ERC2: variants seen among roughly 807,000 people sequenced by gnomAD.
The protein encoded by ERC2 is ERC protein 2.
In ERC2, 42 loss-of-function variants were observed where a neutral mutation model predicts 114.8. The observed-to-expected ratio is 0.37, with a 90% CI of 0.29 to 0.47. The LOEUF (loss-of-function observed/expected upper bound fraction) is 0.47. Ranked by LOEUF, ERC2 falls within the 20% of genes least tolerant of loss-of-function variation. ERC2 has a pLI of 0.99. For missense variants in ERC2, 939 were observed against 1,150.7 expected (o/e 0.82, Z 2.66); for synonymous variants, 454 against 425.5 (o/e 1.07, Z -0.82).
intron 3 of ERC2, among the ~76,000 whole-genome samples, chr3:56,224,016 C>T (rs1390988917): frequency 6.6e-6 from 1 of 152,132 alleles, no homozygotes; most frequent in African/African-American, 2.4e-5. Flanking sequence ...TGTGTATGTC[C>T]ACCATCTGTC....
rs563968062 is a variant in ERC2 at position 56,320,489 on chromosome 3, A to G, written c.658-24054T>C. On this transcript the variant is annotated intron_variant, in intron 2 of 17. Transcript: ENST00000288221. Reference sequence around the variant, plus strand: ...AAGAGCCAAATGTGAGGTTTACAGGAATTTTGCTAGTCTGTAGAAAACATG... The same window carrying G: ...AAGAGCCAAATGTGAGGTTTACAGGGATTTTGCTAGTCTGTAGAAAACATG... Among the ~76,000 whole-genome samples the G allele has an allele frequency of 1.1e-4, 17 of 152,328 alleles. No individual in the cohort carries two copies. In the South Asian group the frequency reaches 3.5e-3, roughly 32 times the overall value.
At chr3:56,275,795 C>A in intron 3 of ERC2, among the ~76,000 whole-genome samples, 1 of 152,192 alleles carries the variant, frequency 6.6e-6, no homozygotes, top group East Asian at 1.9e-4. Flanking sequence ...CCACAGGAGA[C>A]ACCTGGCAAT....
chr3:55,684,809 T>C (rs1169726307), intron 16 of ERC2, among the ~76,000 whole-genome samples: 1 of 152,198 alleles, frequency 6.6e-6, no homozygotes, highest in Non-Finnish European at 1.5e-5. Flanking sequence ...GATTGAAACA[T>C]ACCCTGGTGT....
chr3:56,392,912 G>A (rs957240072), intron 2 of ERC2, among the ~76,000 whole-genome samples: 2 of 152,010 alleles, frequency 1.3e-5, no homozygotes, highest in Admixed American at 6.6e-5. Context: ...ATACGGCCAC[G>A]ACCACCCTCC....
At chr3:56,366,688 T>C (rs147172712) in intron 2 of ERC2, among the ~76,000 whole-genome samples, 1 of 152,228 alleles carries the variant, frequency 6.6e-6, no homozygotes, top group African/African-American at 2.4e-5. Flanking sequence ...CTATTTTGCA[T>C]TGTGCTGTCT....
intron 7 of ERC2, among the ~76,000 whole-genome samples, chr3:56,047,142 A>G (rs1372629123): frequency 6.6e-6 from 1 of 152,180 alleles, no homozygotes. Flanking sequence ...GCTTTTGTCT[A>G]TGCATTTTTG....
intron 3 of ERC2, among the ~76,000 whole-genome samples, chr3:56,260,499 G>C (rs1001298271): frequency 6.6e-6 from 1 of 152,238 alleles, no homozygotes; most frequent in Non-Finnish European, 1.5e-5. Context: ...TTGGCTGCAA[G>C]CTCAAGCAGC....
intron 17 of ERC2, among the ~76,000 whole-genome samples, chr3:55,659,557 A>T (rs1034914842): frequency 6.6e-6 from 1 of 151,644 alleles, no homozygotes; most frequent in Non-Finnish European, 1.5e-5. Context: ...CCCTCCATCA[A>T]TTCTTGGCTC....
intron 14 of ERC2, among the ~76,000 whole-genome samples, chr3:55,886,438 T>C (rs541479942): frequency 6.6e-6 from 1 of 152,322 alleles, no homozygotes; most frequent in East Asian, 1.9e-4. Context: ...TTCCATATTG[T>C]TTTCTAGGAA....
chr3:56,337,663 G>T (rs1033464080), intron 2 of ERC2, among the ~76,000 whole-genome samples: 2 of 152,144 alleles, frequency 1.3e-5, no homozygotes, highest in African/African-American at 4.8e-5. Flanking sequence ...TGGCAAATTG[G>T]CCACCTTTTT....
At chr3:55,891,445 T>TC (rs1267135123) in intron 13 of ERC2, among the ~76,000 whole-genome samples, 1 of 94,652 alleles carries the variant, frequency 1.1e-5, no homozygotes, top group Non-Finnish European at 2.4e-5. Flanking sequence ...CTATTTTTTT[T>TC]TTTTTTTTTT....
At chr3:55,599,438 T>C (rs927087212) in intron 17 of ERC2, among the ~76,000 whole-genome samples, 2 of 152,252 alleles carry the variant, frequency 1.3e-5, no homozygotes, top group African/African-American at 4.8e-5. Flanking sequence ...TTAGAACTCA[T>C]AATAGTGTCT....
At chr3:56,388,684 C>G (rs111509076) in intron 2 of ERC2, among the ~76,000 whole-genome samples, 7 of 152,228 alleles carry the variant, frequency 4.6e-5, no homozygotes, top group African/African-American at 1.7e-4. Flanking sequence ...CCTTACTCTA[C>G]GTTGTCACAA....
intron 17 of ERC2, among the ~76,000 whole-genome samples, chr3:55,676,367 A>C (rs1483508667): frequency 6.6e-6 from 1 of 151,550 alleles, no homozygotes; most frequent in Admixed American, 6.6e-5. Context: ...CTAACTACCA[A>C]AGGCACCTCT....
chr3:56,281,431 C>T (rs1246312764), intron 3 of ERC2, among the ~76,000 whole-genome samples: 3 of 34,582 alleles, frequency 8.7e-5, no homozygotes, highest in East Asian at 5.3e-4. Flanking sequence ...AGCAAGACTC[C>T]GTCTCAAAAA....
At chr3:56,425,560 CTTTT>C (rs67210393) in intron 2 of ERC2, among the ~76,000 whole-genome samples, 42,647 of 123,768 alleles carry the variant, frequency 0.34, 6,303 homozygotes, top group Middle Eastern at 0.39. Flanking sequence ...GACCCTTTTT[CTTTT>C]TTTTTTTTTT....
rs185975854 is a variant in ERC2 at position 56,078,249 on chromosome 3, A to G, written c.1641+2568T>C. Among the ~76,000 whole-genome samples the G allele has an allele frequency of 4.6e-5, 7 of 152,352 alleles. No individual in the cohort carries two copies. In the East Asian group the frequency reaches 1.3e-3, roughly 29 times the overall value. On this transcript the variant is annotated intron_variant, in intron 7 of 17. Coordinates refer to ENST00000288221, the MANE Select transcript of ERC2 (RefSeq NM_015576.3). ...TGAAGAGCTCTACAGAAATGAATTA[A>G]TAATATGATTCATCAAATCACCAAT...
chr3:56,148,979 T>G lies in ERC2; in HGVS notation c.1303A>C (p.Lys435Gln). 1 of 1,613,162 alleles carries G rather than the reference T, an allele frequency of 6.2e-7. No homozygotes were observed. Among genetic ancestry groups the G allele is most frequent in the South Asian group, 1.1e-5 (1 of 91,000 alleles). ...YKSHSKFMKT[K>Q]IDQLKQELSK... ...AAGTTTATAACCCTGGACCGTACCTTGGTCTTCATAAACTTGGAGTGACTT... is the reference window on the plus strand; with the variant it reads ...AAGTTTATAACCCTGGACCGTACCTGGGTCTTCATAAACTTGGAGTGACTT... Residue 435 changes from lysine to glutamine, a missense_variant and splice_region_variant, in exon 5 of 18, where the codon AAG becomes CAG. By Grantham distance (53) the Lys-to-Gln change is moderately conservative. Transcript: ENST00000288221.
chr3:56,171,647 T>G (rs1205362841), intron 4 of ERC2, among the ~76,000 whole-genome samples: 2 of 152,042 alleles, frequency 1.3e-5, no homozygotes, highest in East Asian at 3.9e-4. Flanking sequence ...CCTAAGTGAG[T>G]TTTTTATTTA....
Sources: gnomAD v4.1 joint callset for allele counts (sites outside exome capture counted in the v4.1 genomes callset) on GRCh38, gnomAD v4.1.1 for gene constraint, MANE v1.5 for transcripts, NCBI Gene and HGNC (gene_info 2026-07-23, HGNC 2026-07-21) for gene names.